RDH14: variants seen among roughly 807,000 people sequenced by gnomAD.
RDH14 encodes the protein retinol dehydrogenase 14.
In RDH14, 17 loss-of-function variants were observed where a neutral mutation model predicts 19.3. The ratio of observed to expected loss-of-function variants is 0.88; its 90% CI spans 0.60 to 1.32. The LOEUF (loss-of-function observed/expected upper bound fraction) is 1.32, where lower values mean the gene tolerates loss of function less well. Ranked by LOEUF, RDH14 falls within the 40% of genes most tolerant of loss-of-function variation. The pLI is 0.00. For synonymous variants in RDH14, 215 were observed against 188.9 expected (o/e 1.14, Z -1.13); for missense variants, 534 against 449.2 (o/e 1.19, Z -1.71).
At position 18,555,569 on chromosome 2, in the gene RDH14, A is replaced by G. The variant is rs373055751; in HGVS notation, c.633T>C (p.Tyr211=). Residue 211 remains tyrosine, a synonymous_variant, in exon 2 of 2, where the codon TAT becomes TAC. Coordinates refer to ENST00000381249, the MANE Select transcript of RDH14 (RefSeq NM_020905.4). Reference sequence around the variant, plus strand: ...TCCGGCTATAACAAAAGCTTTTATTATAGCTTTGTTCACTGTTCAAGTCAT... The same window carrying G: ...TCCGGCTATAACAAAAGCTTTTATTGTAGCTTTGTTCACTGTTCAAGTCAT... ...NFDDLNSEQS[Y]NKSFCYSRSK... is the part of the protein sequence containing the mutation. 42 of 1,614,042 alleles carry G rather than the reference A, an allele frequency of 2.6e-5. No homozygotes were observed. The African/African-American group carries it at 4.8e-4, about 18-fold the overall frequency.
chr2:18,555,318 A>G lies in RDH14; in HGVS notation c.884T>C (p.Val295Ala), dbSNP rs920057819. The G allele has an allele frequency of 3.1e-6, 5 of 1,613,844 alleles. No individual in the cohort carries two copies. The highest frequency in any genetic ancestry group is 3.3e-5 in the Admixed American group (2 of 60,002). ...AAAGTATCTTCCTGACACTCCTTCT[A>G]CCTCAGGTGAAGAGGCCAAATAAAT... Reference protein sequence around the residue: ...TSIYLASSPEVEGVSGRYFGD... With the variant: ...TSIYLASSPEAEGVSGRYFGD... Residue 295 changes from valine to alanine, a missense_variant, in exon 2 of 2, where the codon GTA (valine) becomes GCA (alanine). Transcript: ENST00000381249.
chr2:18,560,107 A>T (rs556561554), intron 1 of RDH14, 73 bp downstream of exon 1: 175 of 1,453,906 alleles, frequency 1.2e-4, no homozygotes, highest in Non-Finnish European at 1.5e-4. Flanking sequence ...CTCGCGGCTC[A>T]GCCCCAGCCC....
intron 1 of RDH14, among the ~76,000 whole-genome samples, chr2:18,556,588 C>A (rs558697013): frequency 6.6e-6 from 1 of 152,288 alleles, no homozygotes; most frequent in Admixed American, 6.5e-5. Context: ...AGCTCACAGG[C>A]TAGGTGACTT....
At chr2:18,560,038 T>C (rs1478372897) in intron 1 of RDH14, 142 bp downstream of exon 1, 3 of 947,610 alleles carry the variant, frequency 3.2e-6, no homozygotes, top group African/African-American at 1.8e-5. Flanking sequence ...AAGTGGCTTT[T>C]TGGACTCCTC....
chr2:18,560,167 C>T lies in RDH14; in HGVS notation c.393+13G>A, dbSNP rs1430461419. ...AGGCCCTCCCCACCAGCCCGGCCCCCCGAGGCCCACACCTGGAGCATTTCC... is the reference window on the plus strand; with the variant it reads ...AGGCCCTCCCCACCAGCCCGGCCCCTCGAGGCCCACACCTGGAGCATTTCC... On this transcript the variant is annotated intron_variant, in intron 1 of 1. Coordinates refer to ENST00000381249, the MANE Select transcript of RDH14 (RefSeq NM_020905.4). 10 of 1,525,786 alleles carry T rather than the reference C, an allele frequency of 6.6e-6. No individual in the cohort carries two copies. The South Asian group carries it at 1.2e-4, about 18-fold the overall frequency. The allele number at this position is 1,525,786 out of a possible 1,614,324, so 94.5% of individuals were successfully genotyped here.
In RDH14 at chr2:18,558,525, T is replaced by A. The variant is rs1398968439; in HGVS notation, c.393+1655A>T. On this transcript the variant is annotated intron_variant, in intron 1 of 1. Coordinates refer to ENST00000381249, the MANE Select transcript of RDH14 (RefSeq NM_020905.4). Reference sequence around the variant, plus strand: ...AAAAAGAAGCTACATATCACCCTCATAATTTGCCCACATGGGCCTCAAGAT... The same window carrying A: ...AAAAAGAAGCTACATATCACCCTCAAAATTTGCCCACATGGGCCTCAAGAT... Among the ~76,000 whole-genome samples the A allele has an allele frequency of 6.6e-5, 10 of 152,294 alleles. No homozygotes were observed. In the East Asian group the frequency reaches 1.9e-3, roughly 29 times the overall value.
Position 18,560,505 on chromosome 2 carries a change from C to G in RDH14, c.68G>C (p.Arg23Pro). ...LGGALWLAAR[R>P]FVGPRVQRLR... ...CCGCTGGACCCTGGGCCCCACGAAC[C>G]GGCGGGCCGCCAGCCACAGCGCCCC... The change falls in exon 1 of 2, where the codon CGG becomes CCG. Residue 23 changes from arginine to proline, a missense_variant. Coordinates refer to ENST00000381249, the MANE Select transcript of RDH14 (RefSeq NM_020905.4). 3 of 1,511,914 alleles carry G rather than the reference C, an allele frequency of 2.0e-6. No homozygotes were observed. The highest frequency in any genetic ancestry group is 1.2e-5 in the South Asian group (1 of 81,948). 93.7% of individuals were successfully genotyped at this position (1,511,914 alleles called of 1,614,324 possible).
intron 1 of RDH14, among the ~76,000 whole-genome samples, chr2:18,558,104 A>G (rs1663974135): frequency 6.6e-6 from 1 of 152,188 alleles, no homozygotes; most frequent in Non-Finnish European, 1.5e-5. Context: ...CAATGACATT[A>G]TTTCTTTGTG....
At position 18,560,612 on chromosome 2, in the gene RDH14, C is replaced by T. The variant is rs950777134; in HGVS notation, c.-40G>A. On this transcript the variant is annotated 5_prime_UTR_variant, in exon 1 of 2. Transcript: ENST00000381249. ...GCCCACCGGCCCCTCCACGGGAGTT[C>T]CGCAGCCGCCGCCTTACCGGAACCC... 67 of 1,386,840 alleles carry T rather than the reference C, an allele frequency of 4.8e-5. No homozygotes were observed. Among genetic ancestry groups the T allele is most frequent in the Non-Finnish European group, 5.9e-5 (64 of 1,080,706 alleles). 85.9% of individuals were successfully genotyped at this position (1,386,840 alleles called of 1,614,324 possible).
Position 18,560,316 on chromosome 2 carries a change from T to G in RDH14, c.257A>C (p.Gln86Pro). Reference protein sequence around the residue: ...DRARAEEAAGQLRRELRQAAE... With the variant: ...DRARAEEAAGPLRRELRQAAE... ...GGCCTGGCGGAGCTCGCGGCGGAGC[T>G]GACCCGCCGCCTCCTCGGCGCGCGC... Residue 86 changes from glutamine to proline, a missense_variant, in exon 1 of 2, where the codon CAG becomes CCG. Physicochemically the swap from Gln to Pro is moderately conservative, Grantham distance 76. Transcript: ENST00000381249. 1 of 1,430,196 alleles carries G rather than the reference T, an allele frequency of 7.0e-7. No individual in the cohort carries two copies. Among genetic ancestry groups the G allele is most frequent in the South Asian group, 1.5e-5 (1 of 68,642 alleles). 88.6% of individuals were successfully genotyped at this position (1,430,196 alleles called of 1,614,324 possible).
chr2:18,559,948 G>A (rs1664045193), intron 1 of RDH14, among the ~76,000 whole-genome samples: 1 of 152,012 alleles, frequency 6.6e-6, no homozygotes, highest in South Asian at 2.1e-4. Flanking sequence ...TTTCTTTTTC[G>A]ACATCCTTAG....
Position 18,555,025 on chromosome 2 carries a change from A to G in RDH14, c.*166T>C. On this transcript the variant is annotated 3_prime_UTR_variant, in exon 2 of 2. Coordinates refer to ENST00000381249, the MANE Select transcript of RDH14 (RefSeq NM_020905.4). Reference sequence around the variant, plus strand: ...ATCTTTGCTGAAATTCTCTTATCCCAAAAATAATTTTTCAGTAACTCCAAA... The same window carrying G: ...ATCTTTGCTGAAATTCTCTTATCCCGAAAATAATTTTTCAGTAACTCCAAA... 1 of 1,048,150 alleles carries G rather than the reference A, an allele frequency of 9.5e-7. No homozygotes were observed. The highest frequency in any genetic ancestry group is 1.3e-6 in the Non-Finnish European group (1 of 756,732). The allele number at this position is 1,048,150 out of a possible 1,614,324, so 64.9% of individuals were successfully genotyped here.
Position 18,554,891 on chromosome 2 carries a change from C to A in RDH14, c.*300G>T. ...CGATAGCACTTTGAGTCACTTAATT[C>A]TGACAAATATTAATATGTCATCCAT... On this transcript the variant is annotated 3_prime_UTR_variant, in exon 2 of 2. Coordinates refer to ENST00000381249, the MANE Select transcript of RDH14 (RefSeq NM_020905.4). 1 of 261,044 alleles carries A rather than the reference C, an allele frequency of 3.8e-6. No homozygotes were observed. The highest frequency in any genetic ancestry group is 2.2e-5 in the African/African-American group (1 of 44,974). 16.2% of individuals were successfully genotyped at this position (261,044 alleles called of 1,614,324 possible).
Position 18,560,142 on chromosome 2 carries a change from A to G in RDH14, c.393+38T>C, listed in dbSNP as rs1392854335. 3 of 1,495,142 alleles carry G rather than the reference A, an allele frequency of 2.0e-6. No homozygotes were observed. In the African/African-American group the frequency reaches 4.4e-5, roughly 22 times the overall value. 92.6% of individuals were successfully genotyped at this position (1,495,142 alleles called of 1,614,324 possible). The stretch of plus-strand genomic sequence containing the variant: ...CGCAGTCCCCTCCCACACCGTGCCC[A>G]GGCCCTCCCCACCAGCCCGGCCCCC... On this transcript the variant is annotated intron_variant, in intron 1 of 1. Transcript: ENST00000381249.
chr2:18,555,511 G>A lies in RDH14; in HGVS notation c.691C>T (p.Leu231=), dbSNP rs1331649921. 3.7e-6 allele frequency: 6 copies of A among 1,614,064 alleles called. No individual in the cohort carries two copies. In the South Asian group the frequency reaches 6.6e-5, roughly 18 times the overall value. ...KLANILFTRE[L]ARRLEGTNVT... ...TTTGTGCCTTCTAAGCGGCGGGCTA[G>A]TTCCCTGGTAAAAAGAATGTTAGCC... The change falls in exon 2 of 2, where the codon CTA becomes TTA. Residue 231 remains leucine, a synonymous_variant. Coordinates refer to ENST00000381249, the MANE Select transcript of RDH14 (RefSeq NM_020905.4).
chr2:18,559,703 C>G (rs1664031858), intron 1 of RDH14, among the ~76,000 whole-genome samples: 1 of 152,022 alleles, frequency 6.6e-6, no homozygotes, highest in Admixed American at 6.5e-5. Context: ...GCTCCTTACC[C>G]CAGCAGAAAA....
In RDH14 at chr2:18,555,351, T is replaced by C; in HGVS notation, c.851A>G (p.Gln284Arg). The C allele has an allele frequency of 1.2e-6, 2 of 1,614,130 alleles. No homozygotes were observed. The highest frequency in any genetic ancestry group is 1.7e-6 in the Non-Finnish European group (2 of 1,179,988). Reference protein sequence around the residue: ...AFFKTPVEGAQTSIYLASSPE... With the variant: ...AFFKTPVEGARTSIYLASSPE... ...TGAAGAGGCCAAATAAATGGAAGTC[T>C]GGGCACCTTCTACTGGAGTTTTGAA... is the stretch of plus-strand genomic sequence containing the variant. The change falls in exon 2 of 2, where the codon CAG (glutamine) becomes CGG (arginine). Residue 284 changes from glutamine (Q) to arginine (R), a missense_variant. By Grantham distance (43) the Gln-to-Arg change is conservative (BLOSUM62 1). Coordinates refer to ENST00000381249, the MANE Select transcript of RDH14 (RefSeq NM_020905.4).
rs955148412 is a variant in RDH14, at chr2:18,560,322, G to C, written c.251C>G (p.Ala84Gly). The change falls in exon 1 of 2, where the codon GCG (alanine) becomes GGG (glycine). Residue 84 changes from alanine to glycine, a missense_variant. Physicochemically the swap from Ala to Gly is moderately conservative, Grantham distance 60. Transcript: ENST00000381249. ...GCGGAGCTCGCGGCGGAGCTGACCC[G>C]CCGCCTCCTCGGCGCGCGCGCGGTC... is the stretch of plus-strand genomic sequence containing the variant. ...CRDRARAEEA[A>G]GQLRRELRQA... 7.0e-7 allele frequency: 1 copy of C among 1,419,762 alleles called. No individual in the cohort carries two copies. 87.9% of individuals were successfully genotyped at this position (1,419,762 alleles called of 1,614,324 possible).
chr2:18,555,333 G>A lies in RDH14; in HGVS notation c.869C>T (p.Ala290Val), dbSNP rs766213478. ...VEGAQTSIYL[A>V]SSPEVEGVSG... ...CACTCCTTCTACCTCAGGTGAAGAG[G>A]CCAAATAAATGGAAGTCTGGGCACC... Residue 290 changes from alanine (A) to valine (V), a missense_variant, in exon 2 of 2, where the codon GCC (alanine) becomes GTC (valine). Physicochemically the swap from Ala to Val is moderately conservative, Grantham distance 64. Transcript: ENST00000381249. The A allele has an allele frequency of 6.2e-7, 1 of 1,614,018 alleles. No individual in the cohort carries two copies. Among genetic ancestry groups the A allele is most frequent in the Admixed American group, 1.7e-5 (1 of 60,012 alleles).
Sources: gnomAD v4.1 joint callset for allele counts (sites outside exome capture counted in the v4.1 genomes callset) on GRCh38, gnomAD v4.1.1 for gene constraint, MANE v1.5 for transcripts, NCBI Gene and HGNC (gene_info 2026-07-23, HGNC 2026-07-21) for gene names.